Variants in HMGN4 observed in about 807,000 individuals in gnomAD.
HMGN4 encodes the protein high mobility group nucleosome-binding domain-containing protein 4.
For missense variants in HMGN4, 69 were observed against 104.9 expected (o/e 0.66, Z 1.49); for synonymous variants, 39 against 39.1 (o/e 1.00, Z 0.01).
intron 1 of HMGN4, among the ~76,000 whole-genome samples, chr6:26,538,826 T>A (rs1339502089): frequency 6.6e-6 from 1 of 152,134 alleles, no homozygotes; most frequent in Non-Finnish European, 1.5e-5. Context: ...AAAGGATTGC[T>A]CCCGCAGGGC....
rs1248796666 is a variant in HMGN4 at position 26,545,206 on chromosome 6, C to T, written c.-1C>T. The T allele has an allele frequency of 6.2e-7, 1 of 1,603,112 alleles. No individual in the cohort carries two copies. The highest frequency in any genetic ancestry group is 2.2e-5 in the East Asian group (1 of 44,726). On this transcript the variant is annotated 5_prime_UTR_variant, in exon 2 of 2. Transcript: ENST00000377575. ...AGCCACCTGCGAACACTGCTGCTAC[C>T]ATGCCCAAGAGAAAGGCAAAAGGAG...
At chr6:26,539,317 CTGT>C (rs1462799528) in intron 1 of HMGN4, among the ~76,000 whole-genome samples, 10 of 152,358 alleles carry the variant, frequency 6.6e-5, no homozygotes, top group African/African-American at 2.2e-4. Flanking sequence ...GAGTCTCACT[CTGT>C]TGTCCAGGCT....
chr6:26,540,150 C>G (rs766480000), intron 1 of HMGN4, among the ~76,000 whole-genome samples: 5 of 152,088 alleles, frequency 3.3e-5, no homozygotes, highest in Non-Finnish European at 7.4e-5. Flanking sequence ...TTTTAGACAC[C>G]CTGCGTTTTC....
In HMGN4 at chr6:26,542,188, G is replaced by A. The variant is rs1048026526; in HGVS notation, c.-80-2939G>A. Among the ~76,000 whole-genome samples the A allele has an allele frequency of 6.0e-5, 9 of 150,624 alleles. No homozygotes were observed. Among genetic ancestry groups the A allele is most frequent in the Admixed American group, 2.6e-4 (4 of 15,110 alleles). On this transcript the variant is annotated intron_variant, in intron 1 of 1. Transcript: ENST00000377575. The surrounding 1 kb of genome is among the most constrained non-coding windows in gnomAD (Gnocchi z 4.6). ...TTATTTTTTTGAACTCTTAAAATGC[G>A]TATTTTTTTTTTACATTAATAGACT...
chr6:26,545,056 A>T, intron 1 of HMGN4, 71 bp from the exon 2 acceptor site: 1 of 556,644 alleles, frequency 1.8e-6, no homozygotes, highest in Non-Finnish European at 3.0e-6. Flanking sequence ...CAATATAGTC[A>T]ATTTGATTTT....
chr6:26,545,544 A>G lies in HMGN4; in HGVS notation c.*65A>G, dbSNP rs140941850. The G allele has an allele frequency of 1.0e-4, 148 of 1,430,722 alleles. 1 individual carries two copies. In the African/African-American group the frequency reaches 2.0e-3, roughly 20 times the overall value. 88.6% of individuals were successfully genotyped at this position (1,430,722 alleles called of 1,614,324 possible). A position where few individuals can be genotyped will look rare whatever the true frequency, so the allele number is the denominator to read the frequency against. On this transcript the variant is annotated 3_prime_UTR_variant, in exon 2 of 2. Transcript: ENST00000377575. ...ACTGTTTGAAATACTATTTTTTTAAATCAAGTTTTATAAAAGTGTAGAATT... is the reference window on the plus strand; with the variant it reads ...ACTGTTTGAAATACTATTTTTTTAAGTCAAGTTTTATAAAAGTGTAGAATT...
intron 1 of HMGN4, among the ~76,000 whole-genome samples, chr6:26,541,470 T>C (rs549942264): frequency 1.3e-5 from 2 of 152,346 alleles, no homozygotes; most frequent in East Asian, 3.9e-4. Context: ...AAGATCAAGA[T>C]GTCGGCAGGT....
At position 26,545,517 on chromosome 6, in the gene HMGN4, C is replaced by T. The variant is rs757346710; in HGVS notation, c.*38C>T. On this transcript the variant is annotated 3_prime_UTR_variant, in exon 2 of 2. Coordinates refer to ENST00000377575, the MANE Select transcript of HMGN4 (RefSeq NM_006353.3). The stretch of plus-strand genomic sequence containing the variant: ...TGAGAGCTCTGTACTTATAGTGACT[C>T]TACTGTTTGAAATACTATTTTTTTA... The T allele has an allele frequency of 1.4e-6, 2 of 1,478,002 alleles. No individual in the cohort carries two copies. The highest frequency in any genetic ancestry group is 1.8e-6 in the Non-Finnish European group (2 of 1,109,704). The allele number at this position is 1,478,002 out of a possible 1,614,324, so 91.6% of individuals were successfully genotyped here. A position where few individuals can be genotyped will look rare whatever the true frequency, so the allele number is the denominator to read the frequency against.
chr6:26,540,324 G>T (rs1282921081), intron 1 of HMGN4, among the ~76,000 whole-genome samples: 2 of 129,380 alleles, frequency 1.5e-5, no homozygotes, highest in African/African-American at 6.1e-5. Context: ...TCTTGCCTGT[G>T]AATCTTTTTT....
chr6:26,545,320 G>A lies in HMGN4; in HGVS notation c.114G>A (p.Glu38=). ...CTAAACCAGCTCCTCCAAAACCAGA[G>A]CCCAGGCCTAAAAAGGCCTCTGCAA... ...LSAKPAPPKP[E]PRPKKASAKK... Residue 38 remains glutamate, a synonymous_variant, in exon 2 of 2, where the codon GAG becomes GAA. Transcript: ENST00000377575. The A allele has an allele frequency of 6.2e-7, 1 of 1,614,092 alleles. No homozygotes were observed. Among genetic ancestry groups the A allele is most frequent in the Non-Finnish European group, 8.5e-7 (1 of 1,180,020 alleles).
chr6:26,543,154 T>C (rs1320846959), intron 1 of HMGN4, among the ~76,000 whole-genome samples: 3 of 152,196 alleles, frequency 2.0e-5, no homozygotes, highest in Non-Finnish European at 4.4e-5. Flanking sequence ...GGGAACATTA[T>C]GAATAATTAT....
At chr6:26,541,527 C>T (rs1764287565) in intron 1 of HMGN4, among the ~76,000 whole-genome samples, 1 of 152,228 alleles carries the variant, frequency 6.6e-6, no homozygotes, top group African/African-American at 2.4e-5. Flanking sequence ...GGCCACCTCC[C>T]ACTACATCCT....
rs1057224156 is a variant in HMGN4, at chr6:26,546,439, T to C, written c.*960T>C. 6.6e-6 allele frequency among the ~76,000 whole-genome samples: 1 copy of C among 152,254 alleles called. No individual in the cohort carries two copies. Among genetic ancestry groups the C allele is most frequent in the African/African-American group, 2.4e-5 (1 of 41,472 alleles). Reference sequence around the variant, plus strand: ...TGTCTCTGCACTATTTACTGAAAAGTTCATCCTTTCCCCAGTGATTTGTAA... The same window carrying C: ...TGTCTCTGCACTATTTACTGAAAAGCTCATCCTTTCCCCAGTGATTTGTAA... On this transcript the variant is annotated 3_prime_UTR_variant, in exon 2 of 2. Transcript: ENST00000377575.
rs376986066 is a variant in HMGN4 at position 26,540,600 on chromosome 6, C to T, written c.-81+2099C>T. Among the ~76,000 whole-genome samples, 22 of 152,340 alleles carry T rather than the reference C, an allele frequency of 1.4e-4. No homozygotes were observed. The East Asian group carries it at 2.9e-3, about 20-fold the overall frequency. On this transcript the variant is annotated intron_variant, in intron 1 of 1. Transcript: ENST00000377575. Reference sequence around the variant, plus strand: ...CCACCTGCCTCCACCTCCCAAAGTGCTGGGATTACAGGCGTGAGCCACCAC... The same window carrying T: ...CCACCTGCCTCCACCTCCCAAAGTGTTGGGATTACAGGCGTGAGCCACCAC...
Position 26,546,635 on chromosome 6 carries a change from A to T in HMGN4, c.*1156A>T, listed in dbSNP as rs573869926. On this transcript the variant is annotated 3_prime_UTR_variant, in exon 2 of 2. Transcript: ENST00000377575. ...CCAAGATGCCTCCACATTTTGTCAT[A>T]ATTGTAACCAATTTCACCTCTGTCT... is the stretch of plus-strand genomic sequence containing the variant. Among the ~76,000 whole-genome samples the T allele has an allele frequency of 6.6e-6, 1 of 152,308 alleles. No homozygotes were observed. Among genetic ancestry groups the T allele is most frequent in the Admixed American group, 6.5e-5 (1 of 15,294 alleles).
intron 1 of HMGN4, 57 bp downstream of exon 1, chr6:26,538,558 G>GT (rs1764248183): frequency 6.6e-6 from 1 of 152,442 alleles, no homozygotes. Flanking sequence ...GTGGTGGGGG[G>GT]GGTCCCGCCG....
At position 26,546,493 on chromosome 6, in the gene HMGN4, G is replaced by T. The variant is rs1045174661; in HGVS notation, c.*1014G>T. 1.3e-5 allele frequency among the ~76,000 whole-genome samples: 2 copies of T among 152,120 alleles called. No homozygotes were observed. The highest frequency in any genetic ancestry group is 4.8e-5 in the African/African-American group (2 of 41,412). ...TGCCTCTTTCATAAATTAAATTTTTGTGTATGTGTGTGGGTCTTTTGATGG... is the reference window on the plus strand; with the variant it reads ...TGCCTCTTTCATAAATTAAATTTTTTTGTATGTGTGTGGGTCTTTTGATGG... On this transcript the variant is annotated 3_prime_UTR_variant, in exon 2 of 2. Transcript: ENST00000377575.
rs1384808075 is a variant in HMGN4, at chr6:26,546,202, G to C, written c.*723G>C. Reference sequence around the variant, plus strand: ...GATTGTTGCCTATTTCCTGCTGAAAGTAAATGTTTTTAAAAAGTATCATAT... The same window carrying C: ...GATTGTTGCCTATTTCCTGCTGAAACTAAATGTTTTTAAAAAGTATCATAT... On this transcript the variant is annotated 3_prime_UTR_variant, in exon 2 of 2. Coordinates refer to ENST00000377575, the MANE Select transcript of HMGN4 (RefSeq NM_006353.3). 6.0e-6 allele frequency: 1 copy of C among 167,068 alleles called. No homozygotes were observed. The highest frequency in any genetic ancestry group is 2.4e-5 in the African/African-American group (1 of 41,440). The allele number at this position is 167,068 out of a possible 1,614,324, so 10.3% of individuals were successfully genotyped here. A position where few individuals can be genotyped will look rare whatever the true frequency, so the allele number is the denominator to read the frequency against.
chr6:26,545,251 A>G lies in HMGN4; in HGVS notation c.45A>G (p.Ala15=). 1 of 1,613,664 alleles carries G rather than the reference A, an allele frequency of 6.2e-7. No individual in the cohort carries two copies. The part of the protein sequence containing the change: ...KAKGDAKGDK[A]KVKDEPQRRS... ...AAGGAGATGCTAAAGGTGATAAAGC[A>G]AAGGTGAAGGATGAGCCACAGAGGA... Residue 15 remains alanine (A), a synonymous_variant, in exon 2 of 2, where the codon GCA becomes GCG. Coordinates refer to ENST00000377575, the MANE Select transcript of HMGN4 (RefSeq NM_006353.3).
Sources: allele counts gnomAD v4.1 joint callset (sites outside exome capture counted in the v4.1 genomes callset), GRCh38; gene constraint gnomAD v4.1.1; non-coding constraint Gnocchi (gnomAD v3.1); transcripts MANE v1.5; gene names NCBI Gene and HGNC (gene_info 2026-07-23, HGNC 2026-07-21).